The following CMAS variants were observed in gnomAD, a reference collection of about 807,000 sequenced individuals.
CMAS encodes cytidine monophosphate N-acetylneuraminic acid synthetase.
In CMAS, 21 loss-of-function variants were observed where a neutral mutation model predicts 53.4. The ratio of observed to expected loss-of-function variants is 0.39; its 90% CI spans 0.28 to 0.57. The LOEUF (loss-of-function observed/expected upper bound fraction) is 0.57. Among genes scored for constraint, CMAS ranks in the 20% least tolerant of loss-of-function variants. The probability of loss-of-function intolerance (pLI) is 0.56; values close to 1 mark genes in which losing one functional copy is unlikely to be tolerated. For missense variants in CMAS, 384 were observed against 534.9 expected (o/e 0.72, Z 2.78); for synonymous variants, 189 against 195.2 (o/e 0.97, Z 0.27).
At position 22,065,267 on chromosome 12, in the gene CMAS, A is replaced by G. The variant is rs1371626301; in HGVS notation, c.1261A>G (p.Ile421Val). Residue 421 changes from isoleucine (I) to valine (V), a missense_variant, in exon 8 of 8, where the codon ATT becomes GTT. Physicochemically the swap from Ile to Val is conservative, Grantham distance 29. Coordinates refer to ENST00000229329, the MANE Select transcript of CMAS (RefSeq NM_018686.6). ...TGCCATCCGAGAATTTGCAGAGCAC[A>G]TTTGCCTACTAATGGAAAAGGTTAA... The part of the protein sequence containing the change: ...RGAIREFAEH[I>V]CLLMEKVNNS... 1.2e-6 allele frequency: 2 copies of G among 1,613,968 alleles called. No homozygotes were observed. Among genetic ancestry groups the G allele is most frequent in the African/African-American group, 1.3e-5 (1 of 74,906 alleles).
chr12:22,046,330 C>A lies in CMAS; in HGVS notation c.27C>A (p.Ala9=). The change falls in exon 1 of 8, where the codon GCC becomes GCA. Residue 9 remains alanine (A), a synonymous_variant. Transcript: ENST00000229329. The part of the protein sequence containing the change: MDSVEKGA[A]TSVSNPRGRP... Reference sequence around the variant, plus strand: ...TGGACTCGGTGGAGAAGGGGGCCGCCACCTCCGTCTCCAACCCGCGGGGGC... The same window carrying A: ...TGGACTCGGTGGAGAAGGGGGCCGCAACCTCCGTCTCCAACCCGCGGGGGC... 2 of 1,496,040 alleles carry A rather than the reference C, an allele frequency of 1.3e-6. No individual in the cohort carries two copies. The highest frequency in any genetic ancestry group is 1.3e-5 in the South Asian group (1 of 76,504). 92.7% of individuals were successfully genotyped at this position (1,496,040 alleles called of 1,614,324 possible). A position where few individuals can be genotyped will look rare whatever the true frequency, so the allele number is the denominator to read the frequency against.
rs534817139 is a variant in CMAS at position 22,050,541 on chromosome 12, C to T, written c.260+3978C>T. ...TCTTTAAAATTATTTCTGGTGCTAA[C>T]ATTCTTTGACTTTGAAGAGTTAGTG... is the stretch of plus-strand genomic sequence containing the variant. On this transcript the variant is annotated intron_variant, in intron 1 of 7. Transcript: ENST00000229329. Among the ~76,000 whole-genome samples, 56 of 152,306 alleles carry T rather than the reference C, an allele frequency of 3.7e-4. No individual in the cohort carries two copies. The South Asian group carries it at 0.011, about 30-fold the overall frequency.
intron 1 of CMAS, among the ~76,000 whole-genome samples, chr12:22,054,138 G>A (rs1030518492): frequency 1.3e-5 from 2 of 151,892 alleles, no homozygotes; most frequent in African/African-American, 4.8e-5. Context: ...TGTTGGCCAG[G>A]CTGGTCTCCA....
intron 3 of CMAS, 47 bp downstream of exon 3, chr12:22,055,657 A>T (rs759425087): frequency 2.6e-6 from 4 of 1,516,558 alleles, no homozygotes; most frequent in Non-Finnish European, 3.6e-6. Context: ...TTGAGAATCA[A>T]TTTTTTTGTA....
chr12:22,061,289 A>G lies in CMAS; in HGVS notation c.797A>G (p.Tyr266Cys). 6.2e-7 allele frequency: 1 copy of G among 1,611,750 alleles called. No homozygotes were observed. The highest frequency in any genetic ancestry group is 8.5e-7 in the Non-Finnish European group (1 of 1,178,924). Residue 266 changes from tyrosine (Y) to cysteine (C), a missense_variant, in exon 6 of 8, where the codon TAT becomes TGT. Tyr to Cys is a radical substitution (Grantham distance 194). Transcript: ENST00000229329. ...ATTTTGGTTTCTTTTAGATATGGCT[A>G]TTTTGGCAAAGAGAAGCTTAAGGAA... ...IAEQRVLRYG[Y>C]FGKEKLKEIK...
intron 1 of CMAS, among the ~76,000 whole-genome samples, chr12:22,046,937 G>A (rs12827678): frequency 0.18 from 27,544 of 152,126 alleles, 2,814 homozygotes; most frequent in Middle Eastern, 0.32. Context: ...TTCTTTGGAT[G>A]GGGGCCATCG....
rs997704092 is a variant in CMAS, at chr12:22,062,396, A to G, written c.1076A>G (p.Lys359Arg). ...CTAGCAGTTGTAGATGAATGGAGAA[A>G]AGAAATGGGCCTGTGCTGGAAAGAA... is the stretch of plus-strand genomic sequence containing the variant. ...DKLAVVDEWR[K>R]EMGLCWKEVA... is the part of the protein sequence containing the mutation. Residue 359 changes from lysine (K) to arginine (R), a missense_variant, in exon 7 of 8, where the codon AAA (lysine) becomes AGA (arginine). Around this residue, in one of 3 missense-constraint regions of CMAS, gnomAD observed 134 missense variants for 154.6 expected, o/e 0.87. Transcript: ENST00000229329. 99 of 1,613,698 alleles carry G rather than the reference A, an allele frequency of 6.1e-5. No homozygotes were observed. The highest frequency in any genetic ancestry group is 8.0e-5 in the Non-Finnish European group (94 of 1,179,824).
At chr12:22,064,796 T>G (rs1950334548) in intron 7 of CMAS, among the ~76,000 whole-genome samples, 1 of 152,172 alleles carries the variant, frequency 6.6e-6, no homozygotes, top group African/African-American at 2.4e-5. Context: ...TGTTTGAAAT[T>G]TTGCTTAATG....
chr12:22,060,902 C>A lies in CMAS; in HGVS notation c.764C>A (p.Pro255His). The A allele has an allele frequency of 6.2e-7, 1 of 1,606,128 alleles. No individual in the cohort carries two copies. The highest frequency in any genetic ancestry group is 8.5e-7 in the Non-Finnish European group (1 of 1,173,170). ...SVDIDVDIDWPIAEQRVLRYG... is the reference protein window; with the variant it reads ...SVDIDVDIDWHIAEQRVLRYG... ...GATATAGATGTGGATATTGATTGGC[C>A]TATTGCAGAGCAAAGAGTATTAAGG... The change falls in exon 5 of 8, where the codon CCT (proline) becomes CAT (histidine). Residue 255 changes from proline (P) to histidine (H), a missense_variant. Coordinates refer to ENST00000229329, the MANE Select transcript of CMAS (RefSeq NM_018686.6).
Position 22,065,399 on chromosome 12 carries a change from T to C in CMAS, c.*88T>C, listed in dbSNP as rs1045652829. 1.0e-6 allele frequency: 1 copy of C among 1,001,116 alleles called. No homozygotes were observed. The highest frequency in any genetic ancestry group is 2.4e-5 in the East Asian group (1 of 41,476). 62.0% of individuals were successfully genotyped at this position (1,001,116 alleles called of 1,614,324 possible). On this transcript the variant is annotated 3_prime_UTR_variant, in exon 8 of 8. Coordinates refer to ENST00000229329, the MANE Select transcript of CMAS (RefSeq NM_018686.6). ...TGATTAAGTAAATTCCATGTTGTAA[T>C]GTTACAGAGAGTGTGATTTGGTTTG...
chr12:22,050,695 G>A (rs1950235557), intron 1 of CMAS, among the ~76,000 whole-genome samples: 2 of 152,072 alleles, frequency 1.3e-5, no homozygotes, highest in South Asian at 4.1e-4. Context: ...CTCTACTGTT[G>A]TGTATGTTGT....
chr12:22,055,266 C>T lies in CMAS; in HGVS notation c.378C>T (p.Ile126=). Reference sequence around the variant, plus strand: ...ACAGCTCTACCTCACTAGATGCCATCATAGAATTTCTTAATTATCATAATG... The same window carrying T: ...ACAGCTCTACCTCACTAGATGCCATTATAGAATTTCTTAATTATCATAATG... ...SKDSSTSLDA[I]IEFLNYHNEV... Residue 126 remains isoleucine (I), a synonymous_variant, in exon 2 of 8, where the codon ATC becomes ATT. Transcript: ENST00000229329. The T allele has an allele frequency of 6.2e-7, 1 of 1,605,594 alleles. No homozygotes were observed. The highest frequency in any genetic ancestry group is 8.5e-7 in the Non-Finnish European group (1 of 1,174,048).
intron 1 of CMAS, among the ~76,000 whole-genome samples, chr12:22,053,627 C>G (rs554781131): frequency 6.0e-4 from 90 of 151,186 alleles, no homozygotes; most frequent in African/African-American, 1.8e-3. Context: ...CGCCTGTAAT[C>G]CTAGCACTTT....
intron 6 of CMAS, among the ~76,000 whole-genome samples, chr12:22,061,798 T>G (rs11046284): frequency 6.6e-6 from 1 of 152,192 alleles, no homozygotes; most frequent in Non-Finnish European, 1.5e-5. Context: ...TTTTAAAATC[T>G]AGCTTATTCT....
chr12:22,053,314 C>T (rs1349021333), intron 1 of CMAS, among the ~76,000 whole-genome samples: 1 of 151,632 alleles, frequency 6.6e-6, no homozygotes, highest in East Asian at 1.9e-4. Context: ...ACATGCAGTT[C>T]ATCTTTCCCT....
intron 1 of CMAS, among the ~76,000 whole-genome samples, chr12:22,050,633 A>G (rs960849023): frequency 7.2e-5 from 11 of 152,314 alleles, no homozygotes; most frequent in Middle Eastern, 3.4e-3. Flanking sequence ...AGGGCCAGAT[A>G]GTAAATATTT....
At chr12:22,061,986 G>C (rs984653319) in intron 6 of CMAS, among the ~76,000 whole-genome samples, 14 of 152,078 alleles carry the variant, frequency 9.2e-5, no homozygotes, top group Non-Finnish European at 1.5e-4. Flanking sequence ...TCTTAGAGTA[G>C]TATCAGACAA....
intron 1 of CMAS, among the ~76,000 whole-genome samples, chr12:22,050,574 G>A (rs558104565): frequency 6.6e-6 from 1 of 151,970 alleles, no homozygotes; most frequent in East Asian, 1.9e-4. Context: ...GTGGAAAGAT[G>A]TCTTTATTCT....
intron 3 of CMAS, among the ~76,000 whole-genome samples, chr12:22,056,954 A>G (rs1312348975): frequency 6.6e-6 from 1 of 152,074 alleles, no homozygotes; most frequent in East Asian, 1.9e-4. Context: ...TAGTTGGTTT[A>G]TTACCTGTCT....
Sources: gnomAD v4.1 joint callset for allele counts (sites outside exome capture counted in the v4.1 genomes callset) on GRCh38, gnomAD v4.1.1 for gene constraint, gnomAD v4.1.1 regional missense constraint, MANE v1.5 for transcripts, NCBI Gene and HGNC (gene_info 2026-07-23, HGNC 2026-07-21) for gene names.